The following UNC119 variants were observed in gnomAD, a reference collection of about 807,000 sequenced individuals.
UNC119 encodes the protein protein unc-119 homolog A.
A neutral mutation model predicts 22.6 loss-of-function variants in UNC119; 15 were observed. That is an observed-to-expected ratio of 0.66 (90% confidence interval 0.44 to 1.02). The LOEUF is 1.02. UNC119 is among the 50% of genes least tolerant of loss of function. UNC119 has a pLI of 0.00. For missense variants in UNC119, 322 were observed against 336.0 expected (o/e 0.96, Z 0.33); for synonymous variants, 138 against 139.4 (o/e 0.99, Z 0.07).
chr17:28,548,390 G>A (rs1364329775), intron 2 of UNC119, among the ~76,000 whole-genome samples: 1 of 152,180 alleles, frequency 6.6e-6, no homozygotes, highest in Non-Finnish European at 1.5e-5. Context: ...GGGACCGAAG[G>A]GGTAGGGCTG....
chr17:28,547,362 A>G lies in UNC119; in HGVS notation c.658T>C (p.Tyr220His). 6.2e-7 allele frequency: 1 copy of G among 1,614,238 alleles called. No individual in the cohort carries two copies. The highest frequency in any genetic ancestry group is 8.5e-7 in the Non-Finnish European group (1 of 1,180,032). The change falls in exon 5 of 5, where the codon TAC becomes CAC. Residue 220 changes from tyrosine to histidine, a missense_variant. Physicochemically the swap from Tyr to His is moderately conservative, Grantham distance 83. Transcript: ENST00000335765. Reference sequence around the variant, plus strand: ...ATCACCAGCCGGTCATCCACGAAGTAGAAGCTGTCAGACTGGGTCTCATAC... The same window carrying G: ...ATCACCAGCCGGTCATCCACGAAGTGGAAGCTGTCAGACTGGGTCTCATAC... Reference protein sequence around the residue: ...HPYETQSDSFYFVDDRLVMHN... With the variant: ...HPYETQSDSFHFVDDRLVMHN...
At chr17:28,548,251 A>G (rs2070233403) in intron 2 of UNC119, 150 bp from the exon 3 acceptor site, 1 of 743,090 alleles carries the variant, frequency 1.3e-6, no homozygotes, top group Non-Finnish European at 2.2e-6. Flanking sequence ...TTGGCCAAAT[A>G]GTGCCACCTA....
intron 1 of UNC119, chr17:28,551,929 T>TC (rs1292078348): frequency 3.0e-6 from 1 of 338,476 alleles, no homozygotes; most frequent in Non-Finnish European, 6.1e-6. Flanking sequence ...TAACTCAGCC[T>TC]CCACCTAGCC....
chr17:28,548,489 A>G, intron 2 of UNC119, 103 bp downstream of exon 2: 1 of 970,658 alleles, frequency 1.0e-6, no homozygotes, highest in Non-Finnish European at 1.6e-6. Flanking sequence ...CTGGGGTCCA[A>G]GCCCCAGCTC....
Position 28,547,770 on chromosome 17 carries a change from T to A in UNC119, c.517A>T (p.Lys173Ter). The A allele has an allele frequency of 6.2e-7, 1 of 1,614,204 alleles. No homozygotes were observed. The highest frequency in any genetic ancestry group is 8.5e-7 in the Non-Finnish European group (1 of 1,180,030). Reference sequence around the variant, plus strand: ...AAGCCAAAGTGGAAGTCGAAGCTTTTGAGTAGCTGGTTGCGGAAGTAGTGC... The same window carrying A: ...AAGCCAAAGTGGAAGTCGAAGCTTTAGAGTAGCTGGTTGCGGAAGTAGTGC... ...ERHYFRNQLLKSFDFHFGFCI... is the reference protein window; with the variant it reads ...ERHYFRNQLL The change falls in exon 4 of 5, where the codon AAA (lysine) becomes TAA (stop). Residue 173 changes from lysine (K) to a stop codon, truncating the protein, a stop_gained. Transcript: ENST00000335765. LOFTEE classifies it high-confidence loss of function.
At position 28,547,316 on chromosome 17, in the gene UNC119, G is replaced by A; in HGVS notation, c.704C>T (p.Ser235Phe). Residue 235 changes from serine (S) to phenylalanine (F), a missense_variant, in exon 5 of 5, where the codon TCC becomes TTC. Transcript: ENST00000335765. The stretch of plus-strand genomic sequence containing the variant: ...GTGGGGTCAGGGTGTCCCGCTGTAG[G>A]AATAGTCTGCTTTATTGTGCATCAC... ...RLVMHNKADY[S>F]YSGTP 6.2e-7 allele frequency: 1 copy of A among 1,614,178 alleles called. No individual in the cohort carries two copies. Among genetic ancestry groups the A allele is most frequent in the Non-Finnish European group, 8.5e-7 (1 of 1,180,020 alleles).
At position 28,548,032 on chromosome 17, in the gene UNC119, G is replaced by T; in HGVS notation, c.404C>A (p.Pro135His). Residue 135 changes from proline (P) to histidine (H), a missense_variant, in exon 3 of 5, where the codon CCT (proline) becomes CAT (histidine). By Grantham distance (77) the Pro-to-His change is moderately conservative. Coordinates refer to ENST00000335765, the MANE Select transcript of UNC119 (RefSeq NM_005148.4). ...AGRFVRYQFTPAFLRLRQVGA... is the reference protein window; with the variant it reads ...AGRFVRYQFTHAFLRLRQVGA... ...CACCTGCCTCAGGCGGAGGAAGGCA[G>T]GCGTGAACTGGTAGCGGACAAAGCG... The T allele has an allele frequency of 1.9e-6, 3 of 1,613,926 alleles. No individual in the cohort carries two copies. The highest frequency in any genetic ancestry group is 2.5e-6 in the Non-Finnish European group (3 of 1,180,032).
rs542463856 is a variant in UNC119, at chr17:28,547,303, T to C, written c.717A>G (p.Thr239=). Reference sequence around the variant, plus strand: ...GGTCAGGGCAGCCGTGGGGTCAGGGTGTCCCGCTGTAGGAATAGTCTGCTT... The same window carrying C: ...GGTCAGGGCAGCCGTGGGGTCAGGGCGTCCCGCTGTAGGAATAGTCTGCTT... ...HNKADYSYSG[T]P is the part of the protein sequence containing the mutation. The change falls in exon 5 of 5, where the codon ACA becomes ACG. Residue 239 remains threonine, a synonymous_variant. Transcript: ENST00000335765. The C allele has an allele frequency of 6.2e-7, 1 of 1,614,000 alleles. No homozygotes were observed. Among genetic ancestry groups the C allele is most frequent in the Admixed American group, 1.7e-5 (1 of 60,004 alleles).
chr17:28,548,816 C>A, intron 1 of UNC119, 111 bp from the exon 2 acceptor site: 2 of 834,778 alleles, frequency 2.4e-6, no homozygotes, highest in South Asian at 1.5e-5. Context: ...GGGATCACTG[C>A]CCTCTGGAAA....
At position 28,547,108 on chromosome 17, in the gene UNC119, T is replaced by C. The variant is rs1485244186; in HGVS notation, c.*189A>G. The C allele has an allele frequency of 1.5e-6, 1 of 678,496 alleles. No individual in the cohort carries two copies. Among genetic ancestry groups the C allele is most frequent in the East Asian group, 3.0e-5 (1 of 33,634 alleles). 42.0% of individuals were successfully genotyped at this position (678,496 alleles called of 1,614,324 possible). Reference sequence around the variant, plus strand: ...AGCCTCCCTACGACCCCACCCCATGTAGCAGGCCGCATGGGCTTCATGGGC... The same window carrying C: ...AGCCTCCCTACGACCCCACCCCATGCAGCAGGCCGCATGGGCTTCATGGGC... On this transcript the variant is annotated 3_prime_UTR_variant, in exon 5 of 5. Coordinates refer to ENST00000335765, the MANE Select transcript of UNC119 (RefSeq NM_005148.4).
chr17:28,548,519 C>A, intron 2 of UNC119, 73 bp downstream of exon 2: 7 of 1,321,522 alleles, frequency 5.3e-6, no homozygotes, highest in Non-Finnish European at 7.6e-6. Flanking sequence ...CTCTGTGGCC[C>A]AAGGATTCCC....
At position 28,548,052 on chromosome 17, in the gene UNC119, A is replaced by G. The variant is rs1186577044; in HGVS notation, c.384T>C (p.Phe128=). 1.2e-6 allele frequency: 2 copies of G among 1,613,864 alleles called. No homozygotes were observed. Among genetic ancestry groups the G allele is most frequent in the Admixed American group, 1.7e-5 (1 of 60,024 alleles). ...RRDLDPNAGR[F]VRYQFTPAFL... ...AGGCAGGCGTGAACTGGTAGCGGAC[A>G]AAGCGCCCAGCATTGGGGTCCAGGT... is the stretch of plus-strand genomic sequence containing the variant. Residue 128 remains phenylalanine, a synonymous_variant, in exon 3 of 5, where the codon TTT becomes TTC. Coordinates refer to ENST00000335765, the MANE Select transcript of UNC119 (RefSeq NM_005148.4).
chr17:28,552,189 G>C (rs948998671), intron 1 of UNC119, 149 bp downstream of exon 1: 1 of 741,280 alleles, frequency 1.3e-6, no homozygotes. Flanking sequence ...CCTGGCGGCA[G>C]AAGGGAGAGC....
At chr17:28,550,516 C>T (rs1235825210) in intron 1 of UNC119, 1 of 152,200 alleles carries the variant, frequency 6.6e-6, no homozygotes, top group Non-Finnish European at 1.5e-5. Context: ...GGCCTGGGAC[C>T]CAGGGTCAGG....
At chr17:28,552,269 G>T in intron 1 of UNC119, 69 bp downstream of exon 1, 1 of 1,437,660 alleles carries the variant, frequency 7.0e-7, no homozygotes, top group Non-Finnish European at 9.4e-7. Context: ...AGGGCTTGGC[G>T]CGCCGGGAGG....
In UNC119 at chr17:28,547,704, C is replaced by T. The variant is rs371960163; in HGVS notation, c.583G>A (p.Asp195Asn). The change falls in exon 4 of 5, where the codon GAC becomes AAC. Residue 195 changes from aspartate to asparagine, a missense_variant. By Grantham distance (23) the Asp-to-Asn change is conservative. Transcript: ENST00000335765. ...SSKNTCEHIY[D>N]FPPLSEELIS... is the part of the protein sequence containing the mutation. ...AGCTCCTCGGAGAGAGGGGGGAAGTCGTAAATGTGCTCGCAGGTGTTCTTG... is the reference window on the plus strand; with the variant it reads ...AGCTCCTCGGAGAGAGGGGGGAAGTTGTAAATGTGCTCGCAGGTGTTCTTG... 9.9e-6 allele frequency: 16 copies of T among 1,614,046 alleles called. No individual in the cohort carries two copies. Among genetic ancestry groups the T allele is most frequent in the East Asian group, 6.7e-5 (3 of 44,900 alleles).
Position 28,550,190 on chromosome 17 carries a change from C to G in UNC119, c.221-1485G>C, listed in dbSNP as rs75587460. On this transcript the variant is annotated intron_variant, in intron 1 of 4. Coordinates refer to ENST00000335765, the MANE Select transcript of UNC119 (RefSeq NM_005148.4). ...GAAGTGGGCAACCCCTATCTCACCC[C>G]ATTCACCCTATTTTCACAGAAAGTA... is the stretch of plus-strand genomic sequence containing the variant. The G allele has an allele frequency of 2.3e-4, 35 of 152,364 alleles. 1 individual carries two copies. Among genetic ancestry groups the G allele is most frequent in the African/African-American group, 8.2e-4 (34 of 41,542 alleles). The allele number at this position is 152,364 out of a possible 1,614,324, so 9.4% of individuals were successfully genotyped here.
Position 28,547,029 on chromosome 17 carries a change from G to T in UNC119, c.*268C>A, listed in dbSNP as rs915334900. On this transcript the variant is annotated 3_prime_UTR_variant, in exon 5 of 5. Coordinates refer to ENST00000335765, the MANE Select transcript of UNC119 (RefSeq NM_005148.4). ...GGCCCAAGTAGGGCCCAGCTAAGTTGTCCGGAAGTCCTGACTGCTCCTCTC... is the reference window on the plus strand; with the variant it reads ...GGCCCAAGTAGGGCCCAGCTAAGTTTTCCGGAAGTCCTGACTGCTCCTCTC... 8.9e-6 allele frequency: 4 copies of T among 451,808 alleles called. No homozygotes were observed. Among genetic ancestry groups the T allele is most frequent in the Middle Eastern group, 6.5e-4 (1 of 1,548 alleles). 28.0% of individuals were successfully genotyped at this position (451,808 alleles called of 1,614,324 possible). A position where few individuals can be genotyped will look rare whatever the true frequency, so the allele number is the denominator to read the frequency against.
In UNC119 at chr17:28,552,440, C is replaced by A; in HGVS notation, c.118G>T (p.Glu40Ter). Residue 40 changes from glutamate (E) to a stop codon, truncating the protein, a stop_gained, in exon 1 of 5, where the codon GAG becomes TAG. Coordinates refer to ENST00000335765, the MANE Select transcript of UNC119 (RefSeq NM_005148.4). LOFTEE classifies it high-confidence loss of function. ...CCTGGGCCTGCGTCCGGCTCCGACTCGGACCCAGATTCGGATTCCGCAGGC... is the reference window on the plus strand; with the variant it reads ...CCTGGGCCTGCGTCCGGCTCCGACTAGGACCCAGATTCGGATTCCGCAGGC... ...QPPAESESGS[E>*]SEPDAGPGPR... The A allele has an allele frequency of 6.4e-7, 1 of 1,572,258 alleles. No individual in the cohort carries two copies.
Sources: gnomAD v4.1 joint callset for allele counts (sites outside exome capture counted in the v4.1 genomes callset) on GRCh38, gnomAD v4.1.1 for gene constraint, MANE v1.5 for transcripts, NCBI Gene and HGNC (gene_info 2026-07-23, HGNC 2026-07-21) for gene names.